KRT2: variants seen among roughly 807,000 people sequenced by gnomAD.
KRT2 encodes keratin 2, also known as keratin, type II cytoskeletal 2 epidermal.
A neutral mutation model predicts 48.5 loss-of-function variants in KRT2; 37 were observed. The observed-to-expected ratio is 0.76, with a 90% CI of 0.59 to 1.00. KRT2 has a LOEUF of 1.00. Ranked by LOEUF, KRT2 falls within the 50% of genes least tolerant of loss-of-function variation. The pLI is 0.00. For synonymous variants in KRT2, 324 were observed against 312.2 expected (o/e 1.04, Z -0.40); for missense variants, 880 against 815.2 (o/e 1.08, Z -0.97).
In KRT2 at chr12:52,646,996, C is replaced by A. The variant is rs555692972; in HGVS notation, c.1249-36G>T. 2.5e-5 allele frequency: 39 copies of A among 1,588,966 alleles called. 1 individual carries two copies. The South Asian group carries it at 4.0e-4, about 16-fold the overall frequency. On this transcript the variant is annotated intron_variant, in intron 6 of 8. Coordinates refer to ENST00000309680, the MANE Select transcript of KRT2 (RefSeq NM_000423.3). ...AGGACAGAGAATGGATTCTGCCTGA[C>A]GGAGGCGGACAGAGAGCAGAGGTGT...
At chr12:52,650,793 C>T (rs1941238018) in intron 1 of KRT2, 1 of 562,426 alleles carries the variant, frequency 1.8e-6, no homozygotes, top group Admixed American at 2.9e-5. Flanking sequence ...TGCTTCACTG[C>T]TCACTGGTTT....
chr12:52,651,828 G>GACACCT lies in KRT2; in HGVS notation c.314_315insAGGTGT (p.Gly105_Ser106insGlyVal). The GACACCT allele has an allele frequency of 6.2e-7, 1 of 1,602,684 alleles. No homozygotes were observed. Among genetic ancestry groups the GACACCT allele is most frequent in the Non-Finnish European group, 8.5e-7 (1 of 1,173,504 alleles). On this transcript the variant is annotated inframe_insertion, in exon 1 of 9. Coordinates refer to ENST00000309680, the MANE Select transcript of KRT2 (RefSeq NM_000423.3). ...CGAAACCACCACCACTGAAGCCGCT[G>GACACCT]CCACCTCCAAAGCTGCTGCCGCCTC... is the stretch of plus-strand genomic sequence containing the variant.
At chr12:52,651,505 T>C (rs1423906078) in intron 1 of KRT2, 53 bp downstream of exon 1, 2 of 1,337,098 alleles carry the variant, frequency 1.5e-6, no homozygotes, top group Non-Finnish European at 2.2e-6. Context: ...TTTGGTTGGC[T>C]CTGGAAGTGA....
At chr12:52,649,503 G>A (rs1409322646) in intron 3 of KRT2, among the ~76,000 whole-genome samples, 1 of 152,162 alleles carries the variant, frequency 6.6e-6, no homozygotes, top group Non-Finnish European at 1.5e-5. Context: ...GGCCCTGCAG[G>A]ACCCAGCAGG....
intron 2 of KRT2, 93 bp downstream of exon 2, chr12:52,650,245 CA>C: frequency 9.1e-7 from 1 of 1,096,458 alleles, no homozygotes; most frequent in Non-Finnish European, 1.4e-6. Flanking sequence ...ATTACCACCA[CA>C]AATGCAACTG....
chr12:52,645,538 C>T lies in KRT2; in HGVS notation c.1501G>A (p.Val501Met), dbSNP rs754329157. The T allele has an allele frequency of 6.2e-7, 1 of 1,614,216 alleles. No individual in the cohort carries two copies. The highest frequency in any genetic ancestry group is 8.5e-7 in the Non-Finnish European group (1 of 1,180,026). Residue 501 changes from valine (V) to methionine (M), a missense_variant, in exon 8 of 9, where the codon GTG (valine) becomes ATG (methionine). Transcript: ENST00000309680. ...MSGDLSSNVTVSVTSSTISSN... is the reference protein window; with the variant it reads ...MSGDLSSNVTMSVTSSTISSN... ...AGGACCACACCCCATTACTTACACA[C>T]AGTCACATTGCTGCTGAGGTCTCCA... is the stretch of plus-strand genomic sequence containing the variant.
At chr12:52,650,234 C>T (rs1941228006) in intron 2 of KRT2, 105 bp downstream of exon 2, 4 of 975,822 alleles carry the variant, frequency 4.1e-6, no homozygotes, top group Non-Finnish European at 6.7e-6. Context: ...TGCCTCTCCC[C>T]ATTACCACCA....
intron 4 of KRT2, 83 bp from the exon 5 acceptor site, chr12:52,648,420 A>C: frequency 8.7e-7 from 1 of 1,150,944 alleles, no homozygotes; most frequent in East Asian, 2.3e-5. Flanking sequence ...AGCATAAGGG[A>C]AACGCAGACC....
At position 52,649,114 on chromosome 12, in the gene KRT2, G is replaced by T. The variant is rs758810577; in HGVS notation, c.862-12C>A. 21 of 1,561,648 alleles carry T rather than the reference G, an allele frequency of 1.3e-5. No individual in the cohort carries two copies. Among genetic ancestry groups the T allele is most frequent in the Admixed American group, 1.7e-5 (1 of 59,940 alleles). On this transcript the variant is annotated splice_polypyrimidine_tract_variant and intron_variant, in intron 3 of 8. Coordinates refer to ENST00000309680, the MANE Select transcript of KRT2 (RefSeq NM_000423.3). ...GCATTGTCCACGTCCTGCAAGAAAGGTTGAGGCCTCTGGTGTATGGTTCCC... is the reference window on the plus strand; with the variant it reads ...GCATTGTCCACGTCCTGCAAGAAAGTTTGAGGCCTCTGGTGTATGGTTCCC...
intron 4 of KRT2, 119 bp from the exon 5 acceptor site, chr12:52,648,456 G>T (rs1651530067): frequency 1.1e-6 from 1 of 884,984 alleles, no homozygotes; most frequent in Non-Finnish European, 1.9e-6. Flanking sequence ...CACTAGGTGG[G>T]ATGAAAATCA....
In KRT2 at chr12:52,649,065, T is replaced by A. The variant is rs1282135413; in HGVS notation, c.899A>T (p.Gln300Leu). The A allele has an allele frequency of 6.2e-7, 1 of 1,613,538 alleles. No homozygotes were observed. Among genetic ancestry groups the A allele is most frequent in the East Asian group, 2.2e-5 (1 of 44,876 alleles). ...DNAYMIKVEL[Q>L]SKVDLLNQEI... is the part of the protein sequence containing the mutation. ...CTGGTTCAGCAGGTCCACCTTGGAC[T>A]GCAACTCCACCTTTATCATGTAGGC... The change falls in exon 4 of 9, where the codon CAG becomes CTG. Residue 300 changes from glutamine to leucine, a missense_variant. Transcript: ENST00000309680.
Position 52,651,839 on chromosome 12 carries a change from A to G in KRT2, c.304T>C (p.Phe102Leu), listed in dbSNP as rs1592257800. Residue 102 changes from phenylalanine to leucine, a missense_variant, in exon 1 of 9, where the codon TTT becomes CTT. Transcript: ENST00000309680. ...CCACTGAAGCCGCTGCCACCTCCAA[A>G]GCTGCTGCCGCCTCCAAAACCACCT... The part of the protein sequence containing the change: ...RGGGFGGGSS[F>L]GGGSGFSGGG... The G allele has an allele frequency of 6.2e-7, 1 of 1,602,406 alleles. No individual in the cohort carries two copies. Among genetic ancestry groups the G allele is most frequent in the East Asian group, 2.3e-5 (1 of 43,990 alleles).
Position 52,651,538 on chromosome 12 carries a change from G to T in KRT2, c.585+20C>A, listed in dbSNP as rs1307334166. The stretch of plus-strand genomic sequence containing the variant: ...TGAAGTGGCCTGAGCATCAGTGGGA[G>T]CCGTCTTCTCCAGAGTCACCTTGTC... On this transcript the variant is annotated intron_variant, in intron 1 of 8. Coordinates refer to ENST00000309680, the MANE Select transcript of KRT2 (RefSeq NM_000423.3). 2 of 1,562,362 alleles carry T rather than the reference G, an allele frequency of 1.3e-6. No homozygotes were observed. Among genetic ancestry groups the T allele is most frequent in the Non-Finnish European group, 1.8e-6 (2 of 1,132,702 alleles).
At chr12:52,650,804 G>A (rs1941238118) in intron 1 of KRT2, 6 of 543,812 alleles carry the variant, frequency 1.1e-5, no homozygotes, top group Non-Finnish European at 1.7e-5. Flanking sequence ...TCACTGGTTT[G>A]TTTGCAGCTG....
intron 4 of KRT2, 120 bp downstream of exon 4, chr12:52,648,887 G>A: frequency 1.4e-6 from 1 of 731,426 alleles, no homozygotes; most frequent in Non-Finnish European, 2.5e-6. Context: ...TGGAATGATG[G>A]CAGATTGAAG....
Position 52,646,855 on chromosome 12 carries a change from C to T in KRT2, c.1354G>A (p.Ala452Thr). Residue 452 changes from alanine (A) to threonine (T), a missense_variant, in exon 7 of 9, where the codon GCC becomes ACC. Physicochemically the swap from Ala to Thr is moderately conservative, Grantham distance 58. Coordinates refer to ENST00000309680, the MANE Select transcript of KRT2 (RefSeq NM_000423.3). ...LNDLEEALQQ[A>T]KEDLARLLRD... ...AGCAGCCGCGCCAAGTCCTCCTTGG[C>T]CTGCTGCAGGGCCTCCTCCAGGTCA... 1.2e-6 allele frequency: 2 copies of T among 1,614,172 alleles called. No individual in the cohort carries two copies. Among genetic ancestry groups the T allele is most frequent in the Admixed American group, 1.7e-5 (1 of 60,028 alleles).
intron 3 of KRT2, 119 bp from the exon 4 acceptor site, chr12:52,649,221 C>T: frequency 1.4e-6 from 1 of 733,974 alleles, no homozygotes; most frequent in Admixed American, 1.9e-5. Context: ...GCTCCCCAAC[C>T]TGATCCCTGT....
intron 6 of KRT2, 84 bp from the exon 7 acceptor site, chr12:52,647,044 C>A (rs1565638921): frequency 8.6e-6 from 11 of 1,285,214 alleles, no homozygotes; most frequent in South Asian, 2.4e-5. Flanking sequence ...AAGCCAGAAC[C>A]ACTGGCCCTG....
At chr12:52,650,672 A>G in intron 1 of KRT2, 119 bp from the exon 2 acceptor site, 2 of 805,270 alleles carry the variant, frequency 2.5e-6, no homozygotes, top group Non-Finnish European at 2.1e-6. Flanking sequence ...CTGAGGCTGG[A>G]TGCCGAGTCA....
Sources: allele counts gnomAD v4.1 joint callset (sites outside exome capture counted in the v4.1 genomes callset), GRCh38; gene constraint gnomAD v4.1.1; transcripts MANE v1.5; gene names NCBI Gene and HGNC (gene_info 2026-07-23, HGNC 2026-07-21).